The following WDR59 variants were observed in gnomAD, a reference collection of about 807,000 sequenced individuals.
WDR59 encodes GATOR2 complex protein WDR59.
WDR59 carries 100 observed loss-of-function variants against 131.2 expected under a neutral mutation model. The ratio of observed to expected loss-of-function variants is 0.76; its 90% confidence interval spans 0.65 to 0.90. The LOEUF (loss-of-function observed/expected upper bound fraction) is 0.90, where lower values mean the gene tolerates loss of function less well. Ranked by LOEUF, WDR59 falls within the 40% of genes least tolerant of loss-of-function variation. The probability of loss-of-function intolerance (pLI) is 0.00; values close to 1 mark genes in which losing one functional copy is unlikely to be tolerated. For missense variants in WDR59, 1,203 were observed against 1,262.2 expected (o/e 0.95, Z 0.71); for synonymous variants, 601 against 466.2 (o/e 1.29, Z -3.72).
intron 1 of WDR59, among the ~76,000 whole-genome samples, chr16:74,981,637 TATATATATATATATATATA>T (rs780865055): frequency 0.038 from 1,204 of 31,488 alleles, 150 homozygotes; most frequent in African/African-American, 0.058. Flanking sequence ...TATATATATA[TATATATATATATATATATA>T]TATATTTTTT....
At chr16:74,973,562 CA>C (rs11330413) in intron 1 of WDR59, among the ~76,000 whole-genome samples, 85,487 of 151,764 alleles carry the variant, frequency 0.56, 25,311 homozygotes, top group East Asian at 0.77. Flanking sequence ...GCTAAGATTA[CA>C]AGGCGTGAGC....
intron 6 of WDR59, among the ~76,000 whole-genome samples, chr16:74,945,761 G>T (rs537097444): frequency 2.6e-5 from 4 of 151,446 alleles, no homozygotes; most frequent in Non-Finnish European, 4.4e-5. Flanking sequence ...GTCACTCCCG[G>T]TACAGTACAA....
chr16:74,958,066 A>C (rs2033375842), intron 2 of WDR59, among the ~76,000 whole-genome samples: 1 of 152,224 alleles, frequency 6.6e-6, no homozygotes, highest in Admixed American at 6.5e-5. Context: ...GCTAGTAGCT[A>C]TACATGTGAG....
At chr16:74,880,785 G>T (rs1249286022) in intron 25 of WDR59, among the ~76,000 whole-genome samples, 8 of 152,242 alleles carry the variant, frequency 5.3e-5, no homozygotes, top group African/African-American at 1.9e-4. Flanking sequence ...ATCAAAGTAT[G>T]ATTCCAAGGC....
intron 25 of WDR59, among the ~76,000 whole-genome samples, chr16:74,882,036 C>A (rs966732168): frequency 1.3e-5 from 2 of 152,044 alleles, no homozygotes; most frequent in Admixed American, 1.3e-4. Context: ...ATCATTAAGT[C>A]TTCCTGAGTT....
intron 18 of WDR59, among the ~76,000 whole-genome samples, chr16:74,900,240 G>T (rs924413310): frequency 6.6e-6 from 1 of 152,078 alleles, no homozygotes; most frequent in African/African-American, 2.4e-5. Context: ...AAGTGTTTGG[G>T]GGGTGATGAG....
At chr16:74,973,500 T>C (rs1278758119) in intron 1 of WDR59, among the ~76,000 whole-genome samples, 2 of 152,236 alleles carry the variant, frequency 1.3e-5, no homozygotes, top group Admixed American at 6.5e-5. Flanking sequence ...TTGCCCCGGC[T>C]GGTCTCGAAC....
At chr16:74,877,817 T>C (rs1964288776) in intron 25 of WDR59, among the ~76,000 whole-genome samples, 1 of 152,186 alleles carries the variant, frequency 6.6e-6, no homozygotes, top group South Asian at 2.1e-4. Context: ...AGTGCTAGGA[T>C]TACAGGCGTG....
At chr16:74,932,375 C>T (rs994063727) in intron 8 of WDR59, among the ~76,000 whole-genome samples, 1 of 151,432 alleles carries the variant, frequency 6.6e-6, no homozygotes, top group Non-Finnish European at 1.5e-5. Flanking sequence ...CAGGCATGAG[C>T]CACCATACCC....
rs752400096 is a variant in WDR59 at position 74,956,541 on chromosome 16, G to A, written c.174C>T (p.Ser58=). The A allele has an allele frequency of 6.2e-7, 1 of 1,614,124 alleles. No individual in the cohort carries two copies. Among genetic ancestry groups the A allele is most frequent in the African/African-American group, 1.3e-5 (1 of 75,036 alleles). The part of the protein sequence containing the change: ...FEGHRKISRQ[S]KWDIGAVQWN... ...ACTGCACAGCTCCAATGTCCCATTT[G>A]CTCTGGCGAGAGATCTTTCGGTGAC... Residue 58 remains serine (S), a synonymous_variant, in exon 3 of 26, where the codon AGC becomes AGT. Coordinates refer to ENST00000262144, the MANE Select transcript of WDR59 (RefSeq NM_030581.4).
intron 25 of WDR59, among the ~76,000 whole-genome samples, chr16:74,880,768 T>A (rs1030576034): frequency 6.6e-6 from 1 of 152,170 alleles, no homozygotes; most frequent in Non-Finnish European, 1.5e-5. Context: ...TCCCAGCACA[T>A]AGAACAATCA....
At chr16:74,893,426 C>G (rs746689195) in intron 19 of WDR59, among the ~76,000 whole-genome samples, 21 of 152,302 alleles carry the variant, frequency 1.4e-4, no homozygotes, top group Non-Finnish European at 2.9e-4. Flanking sequence ...CCATTTCAGC[C>G]TGCTGAGACC....
At chr16:74,934,959 T>C (rs1330490074) in intron 8 of WDR59, among the ~76,000 whole-genome samples, 1 of 152,158 alleles carries the variant, frequency 6.6e-6, no homozygotes, top group Non-Finnish European at 1.5e-5. Flanking sequence ...TCGGGCATGG[T>C]GGCTCATGCC....
intron 17 of WDR59, among the ~76,000 whole-genome samples, chr16:74,907,711 T>G (rs1027114043): frequency 6.6e-6 from 1 of 152,228 alleles, no homozygotes; most frequent in African/African-American, 2.4e-5. Flanking sequence ...GTCACCAGAC[T>G]GCGGAACCAG....
chr16:74,951,535 T>C lies in WDR59; in HGVS notation c.249A>G (p.Gln83=), dbSNP rs2033000589. ...FAHYFAASSN[Q]RVDLYKWKDG... is the part of the protein sequence containing the mutation. ...CTTTCCACTTGTAAAGGTCTACTCG[T>C]TGGTTACTCTGAAAAGAAAGGAAAG... Residue 83 remains glutamine (Q), a synonymous_variant, in exon 4 of 26, where the codon CAA becomes CAG. Transcript: ENST00000262144. 6.3e-7 allele frequency: 1 copy of C among 1,592,960 alleles called. No individual in the cohort carries two copies. Among genetic ancestry groups the C allele is most frequent in the Non-Finnish European group, 8.5e-7 (1 of 1,169,948 alleles).
At chr16:74,927,683 AACACACACAC>A (rs61511176) in intron 8 of WDR59, among the ~76,000 whole-genome samples, 24 of 118,178 alleles carry the variant, frequency 2.0e-4, no homozygotes, top group African/African-American at 6.3e-4. Flanking sequence ...CTCTTTAAAA[AACACACACAC>A]ACACACACAC....
chr16:74,886,076 G>A (rs1241528971), intron 24 of WDR59, 194 bp downstream of exon 24: 2 of 741,458 alleles, frequency 2.7e-6, no homozygotes, highest in Non-Finnish European at 4.2e-6. Flanking sequence ...TACTCAGGAG[G>A]CTGAGGCAGG....
At chr16:74,896,781 T>C (rs979554808) in intron 18 of WDR59, among the ~76,000 whole-genome samples, 1 of 152,176 alleles carries the variant, frequency 6.6e-6, no homozygotes, top group African/African-American at 2.4e-5. Context: ...AGTCCAAGTA[T>C]ACAAATGTTT....
chr16:74,879,975 CA>C (rs1414776121), intron 25 of WDR59, among the ~76,000 whole-genome samples: 1 of 151,620 alleles, frequency 6.6e-6, no homozygotes, highest in African/African-American at 2.4e-5. Context: ...CACTTGAAGC[CA>C]AGAATTTGAG....
Sources: gnomAD v4.1 joint callset for allele counts (sites outside exome capture counted in the v4.1 genomes callset) on GRCh38, gnomAD v4.1.1 for gene constraint, MANE v1.5 for transcripts, NCBI Gene and HGNC (gene_info 2026-07-23, HGNC 2026-07-21) for gene names.